The following PYY variants were observed in gnomAD, a reference collection of about 807,000 sequenced individuals.
PYY encodes the protein peptide tyrosine tyrosine.
PYY carries 12 observed loss-of-function variants against 10.3 expected under a neutral mutation model. That is an observed-to-expected ratio of 1.17 (90% confidence interval 0.75 to 1.89). The LOEUF (loss-of-function observed/expected upper bound fraction) is 1.89. Among genes scored for constraint, PYY ranks in the 40% most tolerant of loss-of-function variants. PYY has a pLI of 0.00. For missense variants in PYY, 141 were observed against 134.0 expected, an observed-to-expected ratio of 1.05 and a Z score of -0.26; for synonymous variants, 66 against 62.0, an observed-to-expected ratio of 1.06 and a Z score of -0.30.
At chr17:44,003,827 A>C (rs2049049638) in intron 1 of PYY, among the ~76,000 whole-genome samples, 2 of 151,644 alleles carry the variant, frequency 1.3e-5, no homozygotes, top group African/African-American at 4.9e-5. Context: ...CAAAAAAAAT[A>C]ATTTTTTTTT....
chr17:43,994,879 C>G (rs951955059), intron 1 of PYY, among the ~76,000 whole-genome samples: 1 of 152,128 alleles, frequency 6.6e-6, no homozygotes, highest in Non-Finnish European at 1.5e-5. Flanking sequence ...GCCAGGGCCC[C>G]GGGGGAAAGG....
At chr17:43,982,668 C>T (rs2048891202) in intron 1 of PYY, among the ~76,000 whole-genome samples, 1 of 152,214 alleles carries the variant, frequency 6.6e-6, no homozygotes, top group African/African-American at 2.4e-5. Flanking sequence ...CCCAACAGGA[C>T]TGGACAAAAT....
chr17:43,981,639 G>A (rs569608346), intron 1 of PYY, among the ~76,000 whole-genome samples: 4 of 152,122 alleles, frequency 2.6e-5, no homozygotes, highest in East Asian at 3.9e-4. Flanking sequence ...ACAGGTGCAC[G>A]CCACCATGCC....
chr17:43,988,567 T>G (rs1355392435), intron 1 of PYY, among the ~76,000 whole-genome samples: 1 of 152,174 alleles, frequency 6.6e-6, no homozygotes, highest in African/African-American at 2.4e-5. Context: ...AGAGCGGAGT[T>G]GAAACCATGT....
intron 2 of PYY, among the ~76,000 whole-genome samples, chr17:43,962,134 C>T (rs938757169): frequency 6.6e-6 from 1 of 152,146 alleles, no homozygotes; most frequent in Non-Finnish European, 1.5e-5. Flanking sequence ...TCCCAGTCTC[C>T]CTTGCAGCCA....
chr17:43,965,406 A>G (rs1203478924), intron 2 of PYY, among the ~76,000 whole-genome samples: 1 of 151,446 alleles, frequency 6.6e-6, no homozygotes, highest in Non-Finnish European at 1.5e-5. Context: ...ATTTGAACCC[A>G]GGAAGCAGAG....
At position 43,987,157 on chromosome 17, in the gene PYY, T is replaced by C. The variant is rs553398939; in HGVS notation, c.-463+17234A>G. Among the ~76,000 whole-genome samples the C allele has an allele frequency of 6.6e-6, 1 of 152,256 alleles. No individual in the cohort carries two copies. Among genetic ancestry groups the C allele is most frequent in the South Asian group, 2.1e-4 (1 of 4,832 alleles). ...CCGTGGCCCTGAAACCATGTCTCTA[T>C]TACCAATATCATCAGACTGGGCAGA... is the stretch of plus-strand genomic sequence containing the variant. On this transcript the variant is annotated intron_variant, in intron 1 of 6. Transcript: ENST00000360085. This position sits in a 1 kb window ranked among gnomAD's most constrained non-coding sequence, Gnocchi z 4.0.
chr17:43,988,626 A>T (rs903677318), intron 1 of PYY, among the ~76,000 whole-genome samples: 1 of 152,120 alleles, frequency 6.6e-6, no homozygotes, highest in African/African-American at 2.4e-5. Flanking sequence ...GGGCACCTTG[A>T]CATTTTATTG....
intron 1 of PYY, among the ~76,000 whole-genome samples, chr17:43,971,121 C>G (rs1179729478): frequency 6.6e-6 from 1 of 152,150 alleles, no homozygotes; most frequent in African/African-American, 2.4e-5. Context: ...AGAAAAAGTG[C>G]AAAATGTTTT....
At position 43,976,280 on chromosome 17, in the gene PYY, T is replaced by TAC. The variant is rs759898739; in HGVS notation, c.-462-9750_-462-9749dup. ...ATACATGTATACATGTACGTATATATACGCATATGTATACATGTATACATA... is the reference window on the plus strand; with the variant it reads ...ATACATGTATACATGTACGTATATATACACGCATATGTATACATGTATACATA... On this transcript the variant is annotated intron_variant, in intron 1 of 6. Coordinates refer to the PYY transcript ENST00000360085. 1.2e-3 allele frequency among the ~76,000 whole-genome samples: 42 copies of TAC among 33,626 alleles called. 4 individuals carry two copies. Among genetic ancestry groups the TAC allele is most frequent in the East Asian group, 4.6e-3 (11 of 2,380 alleles). The allele number at this position is 33,626 out of a possible 152,430, so 22.1% of individuals were successfully genotyped here. A position where few individuals can be genotyped will look rare whatever the true frequency, so the allele number is the denominator to read the frequency against.
chr17:43,957,872 G>A (rs1047145949), upstream of PYY: 1 of 154,256 alleles, frequency 6.5e-6, no homozygotes, highest in Non-Finnish European at 1.5e-5. Flanking sequence ...AGGAAACAGC[G>A]ATGCCAAGAA....
intron 1 of PYY, among the ~76,000 whole-genome samples, chr17:43,968,170 C>A (rs924176020): frequency 6.6e-6 from 1 of 151,900 alleles, no homozygotes; most frequent in African/African-American, 2.4e-5. Context: ...CACTTGCGGG[C>A]AGGAGTAAGA....
chr17:43,979,724 T>A (rs1276427366), intron 1 of PYY, among the ~76,000 whole-genome samples: 1 of 138,112 alleles, frequency 7.2e-6, no homozygotes, highest in Non-Finnish European at 1.5e-5. Flanking sequence ...TCCTGCGCAA[T>A]CAGAAGCAGA....
intron 1 of PYY, among the ~76,000 whole-genome samples, chr17:43,979,794 G>C (rs1463159491): frequency 2.6e-5 from 4 of 151,928 alleles, no homozygotes; most frequent in Admixed American, 6.6e-5. Context: ...GAATAGAAGA[G>C]GGGGAAGAGT....
chr17:44,000,980 G>C (rs999812015), intron 1 of PYY, among the ~76,000 whole-genome samples: 2 of 152,036 alleles, frequency 1.3e-5, no homozygotes, highest in Non-Finnish European at 2.9e-5. Context: ...TGGCTGGTGT[G>C]GGTCTCCAAG....
intron 1 of PYY, among the ~76,000 whole-genome samples, chr17:43,980,242 C>T (rs1198226889): frequency 7.2e-6 from 1 of 139,234 alleles, no homozygotes; most frequent in Non-Finnish European, 1.5e-5. Context: ...CAGCTCACTG[C>T]AATCTCCACC....
At position 43,952,962 on chromosome 17, in the gene PYY, CA is replaced by C. The variant is rs755291974; in HGVS notation, c.287del (p.Leu96ArgfsTer6). 19 of 1,551,960 alleles carry C rather than the reference CA, an allele frequency of 1.2e-5. No homozygotes were observed. The highest frequency in any genetic ancestry group is 3.5e-4 in the Middle Eastern group (2 of 5,776). On this transcript the variant is annotated frameshift_variant, in exon 4 of 4. Transcript: ENST00000692052. LOFTEE classifies it high-confidence loss of function. Reference sequence around the variant, plus strand: ...CAGGAGGCCTCAGGGGTCCTCACCACAGGTCTGGGCCCTCCGACCTGCGGAA... The same window carrying C: ...CAGGAGGCCTCAGGGGTCCTCACCACGGTCTGGGCCCTCCGACCTGCGGAA... ...PVRSRSEGPDLW is the reference protein window; with the variant it reads ...PVRSRSEGPDXW
intron 1 of PYY, among the ~76,000 whole-genome samples, chr17:44,000,329 G>A (rs1277736319): frequency 1.3e-5 from 2 of 152,164 alleles, no homozygotes; most frequent in Non-Finnish European, 1.5e-5. Context: ...TGACAAAGCC[G>A]GAGGACTGCC....
rs58895551 is a variant in PYY at position 43,966,816 on chromosome 17, T to G, written c.-462-284A>C. ...TATCCCCAGTGACTAGAATAATGTG[T>G]GATACATGGTGGTGGCTCAAGTACA... On this transcript the variant is annotated intron_variant, in intron 1 of 6. Transcript: ENST00000360085. 6.4e-3 allele frequency among the ~76,000 whole-genome samples: 970 copies of G among 152,332 alleles called. 11 individuals are homozygous for G. Among genetic ancestry groups the G allele is most frequent in the African/African-American group, 0.022 (925 of 41,566 alleles).
Sources: allele counts gnomAD v4.1 joint callset (sites outside exome capture counted in the v4.1 genomes callset), GRCh38; gene constraint gnomAD v4.1.1; non-coding constraint Gnocchi (gnomAD v3.1); transcripts MANE v1.5; gene names NCBI Gene and HGNC (gene_info 2026-07-23, HGNC 2026-07-21).